Variants in MYO16 observed in about 807,000 individuals in gnomAD.
The protein encoded by MYO16 is myosin XVI.
MYO16 carries 94 observed loss-of-function variants against 205.3 expected under a neutral mutation model. The observed-to-expected ratio is 0.46, with a 90% CI of 0.39 to 0.54. The LOEUF (loss-of-function observed/expected upper bound fraction) is 0.54. MYO16 is among the 20% of genes least tolerant of loss of function. MYO16 has a pLI of 0.00. For missense variants in MYO16, 2,315 were observed against 2,387.5 expected, an observed-to-expected ratio of 0.97 and a Z score of 0.63; for synonymous variants, 988 against 954.0, an observed-to-expected ratio of 1.04 and a Z score of -0.66.
At chr13:108,607,795 C>T (rs749323397) in intron 1 of MYO16, among the ~76,000 whole-genome samples, 2 of 152,184 alleles carry the variant, frequency 1.3e-5, no homozygotes, top group Non-Finnish European at 2.9e-5. Flanking sequence ...CTCACACTTT[C>T]TCCAAAGCCA....
intron 16 of MYO16, among the ~76,000 whole-genome samples, chr13:108,922,624 C>T (rs1223038305): frequency 6.6e-6 from 1 of 152,208 alleles, no homozygotes; most frequent in Non-Finnish European, 1.5e-5. Context: ...ATCTGTCAAA[C>T]TCTTCAGGTG....
At chr13:108,724,380 C>T (rs61603911) in intron 3 of MYO16, among the ~76,000 whole-genome samples, 37,405 of 152,046 alleles carry the variant, frequency 0.25, 5,685 homozygotes, top group African/African-American at 0.44. Flanking sequence ...TGTCATCTTC[C>T]TGGTTTCAGT....
chr13:108,845,062 G>A (rs972902666), intron 10 of MYO16, among the ~76,000 whole-genome samples: 3 of 152,020 alleles, frequency 2.0e-5, no homozygotes, highest in African/African-American at 7.2e-5. Flanking sequence ...ATTTTATTAT[G>A]GCCACAGAAA....
intron 16 of MYO16, among the ~76,000 whole-genome samples, chr13:108,950,568 A>G (rs767133897): frequency 9.0e-4 from 137 of 152,222 alleles, no homozygotes; most frequent in Admixed American, 2.4e-3. Flanking sequence ...ATGTGAAGAA[A>G]CTCACTGCCC....
At chr13:108,861,521 G>A (rs1324313013) in intron 11 of MYO16, among the ~76,000 whole-genome samples, 1 of 151,908 alleles carries the variant, frequency 6.6e-6, no homozygotes, top group East Asian at 1.9e-4. Flanking sequence ...TACTTCTATG[G>A]GGTCTTTACC....
At chr13:108,809,784 C>T (rs959214120) in intron 7 of MYO16, among the ~76,000 whole-genome samples, 17 of 152,294 alleles carry the variant, frequency 1.1e-4, no homozygotes, top group African/African-American at 3.4e-4. Context: ...TGTTGTGAGG[C>T]CTCCATGGCC....
intron 4 of MYO16, among the ~76,000 whole-genome samples, chr13:108,741,944 T>C (rs986736893): frequency 6.6e-6 from 1 of 152,210 alleles, no homozygotes; most frequent in Non-Finnish European, 1.5e-5. Flanking sequence ...TCACTGGGTA[T>C]GAAGAATGCT....
chr13:108,827,142 TCCATGACTTCA>T (rs1317096883), intron 9 of MYO16, among the ~76,000 whole-genome samples: 1 of 152,196 alleles, frequency 6.6e-6, no homozygotes. Context: ...GGAACAACTG[TCCATGACTTCA>T]CCATGTATTC....
chr13:109,065,643 G>A (rs1887724334), intron 27 of MYO16: 2 of 439,198 alleles, frequency 4.6e-6, no homozygotes, highest in Admixed American at 5.7e-5. Flanking sequence ...CTGTATGCTT[G>A]TGGAATTCTC....
chr13:109,187,124 AC>A (rs1879720183), intron 34 of MYO16, among the ~76,000 whole-genome samples: 2 of 152,130 alleles, frequency 1.3e-5, no homozygotes, highest in Admixed American at 6.6e-5. Context: ...CAGTATTTTC[AC>A]ATATTCTCAG....
At chr13:108,888,810 T>C (rs1281761824) in intron 14 of MYO16, among the ~76,000 whole-genome samples, 3 of 152,048 alleles carry the variant, frequency 2.0e-5, no homozygotes, top group African/African-American at 7.2e-5. Context: ...ATCCCAGCAC[T>C]CTGGGAGGCC....
At chr13:108,926,535 C>T (rs112115849) in intron 16 of MYO16, among the ~76,000 whole-genome samples, 1,587 of 151,962 alleles carry the variant, frequency 0.01, 22 homozygotes, top group African/African-American at 0.037. Flanking sequence ...AAGCAGGGGT[C>T]GGGAGCCAGC....
chr13:108,560,106 TA>T, the MYO16 span, among the ~76,000 whole-genome samples: 4 of 152,226 alleles, frequency 2.6e-5, no homozygotes, highest in Non-Finnish European at 5.9e-5. Context: ...CAACAAGAAT[TA>T]ACCAGAGATT....
intron 2 of MYO16, among the ~76,000 whole-genome samples, chr13:108,700,152 G>A (rs1421430568): frequency 6.6e-6 from 1 of 151,914 alleles, no homozygotes; most frequent in African/African-American, 2.4e-5. Flanking sequence ...GGCCAACAGG[G>A]TGAAACCCTT....
rs1885650353 is a variant in MYO16, at chr13:109,012,868, A to G, written c.2595+3819A>G. ...ACTTCTAATTTAAGTTTTATAAGTC[A>G]TAGCTTCAAACTTTCTTCTAGGTCT... On this transcript the variant is annotated intron_variant, in intron 22 of 34. Coordinates refer to ENST00000457511, the MANE Select transcript of MYO16 (RefSeq NM_001198950.3). Among the ~76,000 whole-genome samples, 3 of 151,872 alleles carry G rather than the reference A, an allele frequency of 2.0e-5. 1 individual carries two copies. The South Asian group carries it at 6.2e-4, about 32-fold the overall frequency.
intron 15 of MYO16, among the ~76,000 whole-genome samples, chr13:108,909,215 C>T (rs937401462): frequency 2.0e-5 from 3 of 152,126 alleles, no homozygotes; most frequent in Non-Finnish European, 1.5e-5. Context: ...ATCTTTTTGG[C>T]GTTGTTGATC....
At chr13:109,139,511 C>G (rs1461022319) in intron 31 of MYO16, among the ~76,000 whole-genome samples, 1 of 152,202 alleles carries the variant, frequency 6.6e-6, no homozygotes, top group Non-Finnish European at 1.5e-5. Flanking sequence ...GGCTGACATC[C>G]TGGTGTAGCA....
intron 20 of MYO16, among the ~76,000 whole-genome samples, chr13:108,988,043 C>T (rs895388578): frequency 1.3e-5 from 2 of 152,120 alleles, no homozygotes; most frequent in Admixed American, 6.5e-5. Context: ...AGAAAGCTCT[C>T]GGGAGAATTC....
At chr13:108,644,489 G>A (rs759300413) in intron 1 of MYO16, among the ~76,000 whole-genome samples, 1 of 151,962 alleles carries the variant, frequency 6.6e-6, no homozygotes, top group Non-Finnish European at 1.5e-5. Flanking sequence ...TTAACACAAT[G>A]GGAAAGATTT....
Sources: gnomAD v4.1 joint callset for allele counts (sites outside exome capture counted in the v4.1 genomes callset) on GRCh38, gnomAD v4.1.1 for gene constraint, MANE v1.5 for transcripts, NCBI Gene and HGNC (gene_info 2026-07-23, HGNC 2026-07-21) for gene names.